The following GRIP1 variants were observed in gnomAD, a reference collection of about 807,000 sequenced individuals.
GRIP1 encodes the protein glutamate receptor-interacting protein 1.
GRIP1 carries 45 observed loss-of-function variants against 129.9 expected under a neutral mutation model. The observed-to-expected ratio is 0.35, with a 90% CI of 0.27 to 0.44. The LOEUF is 0.44. Among genes scored for constraint, GRIP1 ranks in the 20% least tolerant of loss-of-function variants. The pLI is 1.00. For synonymous variants in GRIP1, 530 were observed against 520.8 expected (o/e 1.02, Z -0.24); for missense variants, 1,196 against 1,396.8 (o/e 0.86, Z 2.29).
At chr12:66,946,263 G>A (rs536413097) in intron 1 of GRIP1, among the ~76,000 whole-genome samples, 2 of 152,094 alleles carry the variant, frequency 1.3e-5, no homozygotes, top group Non-Finnish European at 2.9e-5. Flanking sequence ...CTTATTTAGG[G>A]CAATTCAGTT....
chr12:66,855,242 A>G (rs892241842), intron 1 of GRIP1, among the ~76,000 whole-genome samples: 3 of 151,998 alleles, frequency 2.0e-5, no homozygotes, highest in African/African-American at 7.2e-5. Context: ...GAAGGACATC[A>G]CTATTTTCTC....
intron 23 of GRIP1, among the ~76,000 whole-genome samples, chr12:66,362,142 CT>C (rs10589880): frequency 0.045 from 4,114 of 91,596 alleles, 212 homozygotes; most frequent in African/African-American, 0.15. Context: ...CCAATTTAAT[CT>C]TTTTTTTTTT....
intron 1 of GRIP1, among the ~76,000 whole-genome samples, chr12:66,990,776 C>A (rs1249011569): frequency 6.6e-6 from 1 of 152,068 alleles, no homozygotes; most frequent in African/African-American, 2.4e-5. Context: ...GAGTGGATGA[C>A]CTGAAGTCAA....
chr12:66,388,975 G>C (rs1274824591), intron 19 of GRIP1, among the ~76,000 whole-genome samples: 1 of 152,182 alleles, frequency 6.6e-6, no homozygotes, highest in Non-Finnish European at 1.5e-5. Context: ...AGAAGAAGGA[G>C]AGAACAGTAA....
intron 2 of GRIP1, among the ~76,000 whole-genome samples, chr12:66,572,482 G>A (rs1397460555): frequency 6.6e-6 from 1 of 152,194 alleles, no homozygotes. Context: ...AGAATTCTCA[G>A]AGAAAATCAT....
chr12:66,839,946 T>C (rs2039685810), intron 1 of GRIP1, among the ~76,000 whole-genome samples: 1 of 152,236 alleles, frequency 6.6e-6, no homozygotes, highest in African/African-American at 2.4e-5. Flanking sequence ...ATAGATACTA[T>C]AGGTAGCCAT....
chr12:66,667,981 T>C (rs1026525066), intron 1 of GRIP1, among the ~76,000 whole-genome samples: 1 of 152,180 alleles, frequency 6.6e-6, no homozygotes, highest in Non-Finnish European at 1.5e-5. Flanking sequence ...TCTGCTTGGT[T>C]TATCCACTTT....
At chr12:66,800,468 G>A (rs2038826403) in intron 1 of GRIP1, among the ~76,000 whole-genome samples, 1 of 152,202 alleles carries the variant, frequency 6.6e-6, no homozygotes, top group East Asian at 1.9e-4. Flanking sequence ...TCAGCTGCAT[G>A]GACAGCAAGA....
At chr12:66,745,499 GT>G (rs1192080659) in intron 1 of GRIP1, among the ~76,000 whole-genome samples, 1 of 152,114 alleles carries the variant, frequency 6.6e-6, no homozygotes, top group Non-Finnish European at 1.5e-5. Context: ...GCAAGACAAT[GT>G]TTTTGTTCTT....
intron 3 of GRIP1, among the ~76,000 whole-genome samples, chr12:66,540,683 A>T (rs189796611): frequency 1.3e-5 from 2 of 152,360 alleles, no homozygotes; most frequent in East Asian, 3.9e-4. Flanking sequence ...ACTTCAGATG[A>T]CATTTTATGG....
At chr12:66,636,778 A>T (rs7980701) in intron 1 of GRIP1, among the ~76,000 whole-genome samples, 7,508 of 147,552 alleles carry the variant, frequency 0.051, 323 homozygotes, top group African/African-American at 0.11. Flanking sequence ...TCTCTGTGCC[A>T]TGTGAGGACA....
intron 1 of GRIP1, among the ~76,000 whole-genome samples, chr12:66,725,127 A>G (rs879593033): frequency 6.6e-6 from 1 of 152,106 alleles, no homozygotes; most frequent in Non-Finnish European, 1.5e-5. Context: ...CCCCAGCTTT[A>G]CAACAAATTA....
At chr12:67,042,616 A>C (rs959932388) in intron 1 of GRIP1, among the ~76,000 whole-genome samples, 3 of 152,178 alleles carry the variant, frequency 2.0e-5, no homozygotes, top group Non-Finnish European at 4.4e-5. Flanking sequence ...ATTTGAATTT[A>C]AATATCTTTA....
intron 1 of GRIP1, among the ~76,000 whole-genome samples, chr12:67,016,328 C>CA (rs2042786502): frequency 6.6e-6 from 1 of 151,936 alleles, no homozygotes; most frequent in South Asian, 2.1e-4. Flanking sequence ...AAATACCAGG[C>CA]AAAAAACCAT....
intron 1 of GRIP1, among the ~76,000 whole-genome samples, chr12:66,711,855 AC>A (rs2035723565): frequency 6.6e-6 from 1 of 151,956 alleles, no homozygotes; most frequent in African/African-American, 2.4e-5. Flanking sequence ...CTGCGTGAAC[AC>A]TATGGGTCAT....
intron 1 of GRIP1, among the ~76,000 whole-genome samples, chr12:66,782,146 T>C (rs1427241703): frequency 6.6e-6 from 1 of 152,196 alleles, no homozygotes; most frequent in Non-Finnish European, 1.5e-5. Context: ...GTTCACTTCT[T>C]AAAAATTCAT....
intron 19 of GRIP1, among the ~76,000 whole-genome samples, chr12:66,381,833 C>T (rs1300832266): frequency 1.3e-5 from 2 of 152,158 alleles, no homozygotes; most frequent in African/African-American, 4.8e-5. Context: ...TACAACAAAG[C>T]AGAGAAAGAA....
chr12:66,604,769 T>C (rs1380013914), intron 1 of GRIP1, among the ~76,000 whole-genome samples: 2 of 152,186 alleles, frequency 1.3e-5, no homozygotes, highest in African/African-American at 4.8e-5. Context: ...AATGACAATT[T>C]GGTGCAAAAT....
At chr12:66,485,319 G>C (rs2059923064) in intron 7 of GRIP1, among the ~76,000 whole-genome samples, 1 of 151,928 alleles carries the variant, frequency 6.6e-6, no homozygotes, top group Non-Finnish European at 1.5e-5. Context: ...TTGGCCATTT[G>C]AATATTCTCT....
Sources: gnomAD v4.1 joint callset for allele counts (sites outside exome capture counted in the v4.1 genomes callset) on GRCh38, gnomAD v4.1.1 for gene constraint, MANE v1.5 for transcripts, NCBI Gene and HGNC (gene_info 2026-07-23, HGNC 2026-07-21) for gene names.